SLC6A9: variants seen among roughly 807,000 people sequenced by gnomAD.
The protein encoded by SLC6A9 is sodium- and chloride-dependent glycine transporter 1.
Under a neutral mutation model 70.9 loss-of-function variants are expected in SLC6A9, and 31 were observed. The ratio of observed to expected loss-of-function variants is 0.44; its 90% CI spans 0.33 to 0.59. The LOEUF is 0.59. Among genes scored for constraint, SLC6A9 ranks in the 20% least tolerant of loss-of-function variants. The pLI is 0.04. For missense variants in SLC6A9, 631 were observed against 845.2 expected (o/e 0.75, Z 3.14); for synonymous variants, 310 against 341.3 (o/e 0.91, Z 1.01).
rs1485063052 is a variant in SLC6A9 at position 44,001,760 on chromosome 1, C to T, written c.963-133G>A. 11 of 701,298 alleles carry T rather than the reference C, an allele frequency of 1.6e-5. No homozygotes were observed. In the East Asian group the frequency reaches 1.7e-4, roughly 11 times the overall value. 43.4% of individuals were successfully genotyped at this position (701,298 alleles called of 1,614,324 possible). A position where few individuals can be genotyped will look rare whatever the true frequency, so the allele number is the denominator to read the frequency against. On this transcript the variant is annotated intron_variant, in intron 8 of 13. Coordinates refer to ENST00000372310, the MANE Select transcript of SLC6A9 (RefSeq NM_001024845.3). ...TTTTGGAGTGGGAGACAGGGTCTCACTCTGTTGTCCAGGATGGAGTGCAAT... is the reference window on the plus strand; with the variant it reads ...TTTTGGAGTGGGAGACAGGGTCTCATTCTGTTGTCCAGGATGGAGTGCAAT...
At chr1:44,010,456 C>CGGTGG (rs2086508655) in intron 3 of SLC6A9, 1 of 52,672 alleles carries the variant, frequency 1.9e-5, no homozygotes, top group Non-Finnish European at 5.7e-5. Flanking sequence ...GCCTTGTGGG[C>CGGTGG]GGGGGGGGGG....
At chr1:44,007,212 C>A (rs1167521137) in intron 5 of SLC6A9, among the ~76,000 whole-genome samples, 2 of 152,184 alleles carry the variant, frequency 1.3e-5, no homozygotes, top group African/African-American at 4.8e-5. Flanking sequence ...CTCTTTGTGT[C>A]TCTGTGACAC....
intron 2 of SLC6A9, among the ~76,000 whole-genome samples, chr1:44,022,718 C>CTTTTTTTTTTTTTT (rs777966364): frequency 1.7e-5 from 1 of 59,942 alleles, no homozygotes; most frequent in Non-Finnish European, 3.3e-5. Context: ...TTCTTTCTTT[C>CTTTTTTTTTTTTTT]TTTCTTTTTT....
chr1:44,008,421 C>T lies in SLC6A9; in HGVS notation c.522G>A (p.Leu174=). The change falls in exon 5 of 14, where the codon TTG becomes TTA. Residue 174 remains leucine (L), a synonymous_variant. Coordinates refer to ENST00000372310, the MANE Select transcript of SLC6A9 (RefSeq NM_001024845.3). The part of the protein sequence containing the change: ...NLTNGSRPAA[L]PSNLSHLLNH... ...TGAGCAGGTGGGAGAGGTTGCTGGG[C>T]AAGGCGGCTGGCCGAGAGCCATTGG... The T allele has an allele frequency of 1.2e-6, 2 of 1,614,128 alleles. No homozygotes were observed. The highest frequency in any genetic ancestry group is 1.7e-6 in the Non-Finnish European group (2 of 1,179,952).
intron 1 of SLC6A9, among the ~76,000 whole-genome samples, chr1:44,025,573 G>GCCAAAC: frequency 1.3e-5 from 2 of 152,116 alleles, no homozygotes; most frequent in South Asian, 2.1e-4. Flanking sequence ...GCCAAGGCAG[G>GCCAAAC]TGGATTACCT....
chr1:44,006,061 T>C (rs552368576), intron 5 of SLC6A9, among the ~76,000 whole-genome samples: 1 of 152,198 alleles, frequency 6.6e-6, no homozygotes. Flanking sequence ...CAACCACCAC[T>C]GGAGCATCTG....
At chr1:44,029,528 C>T (rs896973414) in intron 1 of SLC6A9, among the ~76,000 whole-genome samples, 4 of 152,148 alleles carry the variant, frequency 2.6e-5, no homozygotes, top group Non-Finnish European at 5.9e-5. Context: ...TGTATCCTAC[C>T]CATCCTCAAA....
chr1:44,012,549 G>T (rs2086608442), intron 2 of SLC6A9, among the ~76,000 whole-genome samples: 2 of 152,248 alleles, frequency 1.3e-5, no homozygotes, highest in Non-Finnish European at 2.9e-5. Flanking sequence ...TGCAATGGCA[G>T]ATTTATTGAC....
At chr1:44,000,209 C>T (rs1440085065) in intron 12 of SLC6A9, among the ~76,000 whole-genome samples, 2 of 152,232 alleles carry the variant, frequency 1.3e-5, no homozygotes, top group African/African-American at 4.8e-5. Context: ...GGATTCCTTC[C>T]ACCAATTCAG....
chr1:44,004,936 G>A (rs879839477), intron 5 of SLC6A9, among the ~76,000 whole-genome samples: 1 of 152,228 alleles, frequency 6.6e-6, no homozygotes, highest in Non-Finnish European at 1.5e-5. Flanking sequence ...CGGCCAGGTG[G>A]TGAGTGCCTT....
chr1:44,019,489 A>AGGCGCTGGCTGG (rs1489838587), intron 2 of SLC6A9, among the ~76,000 whole-genome samples: 8 of 152,234 alleles, frequency 5.3e-5, no homozygotes, highest in African/African-American at 1.7e-4. Flanking sequence ...CTGAGGGCCA[A>AGGCGCTGGCTGG]GGCGCTGGCT....
rs1170249195 is a variant in SLC6A9, at chr1:44,018,330, C to T, written c.30+5918G>A. 2.0e-5 allele frequency among the ~76,000 whole-genome samples: 3 copies of T among 152,104 alleles called. No individual in the cohort carries two copies. The highest frequency in any genetic ancestry group is 2.9e-5 in the Non-Finnish European group (2 of 68,026). The stretch of plus-strand genomic sequence containing the variant: ...AAACAGGGCCAGGTACGGTGGCTCA[C>T]GCCTGTAATCCCAGCACTTTGGGAG... On this transcript the variant is annotated intron_variant, in intron 2 of 13. Coordinates refer to ENST00000372310, the MANE Select transcript of SLC6A9 (RefSeq NM_001024845.3). This position sits in a 1 kb window ranked among gnomAD's most constrained non-coding sequence, Gnocchi z 4.2.
At chr1:44,007,254 C>T (rs1331024308) in intron 5 of SLC6A9, among the ~76,000 whole-genome samples, 1 of 152,234 alleles carries the variant, frequency 6.6e-6, no homozygotes, top group East Asian at 1.9e-4. Context: ...GGCACTTGCC[C>T]TACTGTGATT....
rs757591286 is a variant in SLC6A9 at position 44,000,735 on chromosome 1, G to A, written c.1536+32C>T. 2.3e-5 allele frequency: 33 copies of A among 1,404,458 alleles called. 1 individual carries two copies. The highest frequency in any genetic ancestry group is 2.1e-4 in the South Asian group (17 of 80,392). 87.0% of individuals were successfully genotyped at this position (1,404,458 alleles called of 1,614,324 possible). A position where few individuals can be genotyped will look rare whatever the true frequency, so the allele number is the denominator to read the frequency against. On this transcript the variant is annotated intron_variant, in intron 12 of 13. Coordinates refer to ENST00000372310, the MANE Select transcript of SLC6A9 (RefSeq NM_001024845.3). ...GATGGACACATGGCCAAGGGGCAGC[G>A]GGGGAAGGGAGGGGCCGGCCAGGGA...
chr1:44,009,882 G>C, intron 4 of SLC6A9, 83 bp downstream of exon 4: 1 of 1,523,202 alleles, frequency 6.6e-7, no homozygotes, highest in Non-Finnish European at 8.9e-7. Context: ...AGCCATGTTT[G>C]TACAGATGGG....
intron 5 of SLC6A9, among the ~76,000 whole-genome samples, chr1:44,007,540 C>T (rs867064509): frequency 4.7e-4 from 71 of 152,300 alleles, no homozygotes; most frequent in African/African-American, 1.7e-3. Flanking sequence ...GTCTTGATCA[C>T]GGCACCCCCG....
intron 2 of SLC6A9, among the ~76,000 whole-genome samples, chr1:44,021,303 C>T (rs373259151): frequency 1.6e-3 from 237 of 152,284 alleles, no homozygotes; most frequent in African/African-American, 5.4e-3. Flanking sequence ...CAGCCCTGTC[C>T]TAGGAGCTGC....
intron 1 of SLC6A9, among the ~76,000 whole-genome samples, 179 bp downstream of exon 1, chr1:44,031,127 C>T (rs1208140250): frequency 2.0e-5 from 3 of 151,994 alleles, no homozygotes; most frequent in African/African-American, 4.8e-5. Context: ...GGTGCGTGCA[C>T]CCACACTCTT....
intron 1 of SLC6A9, among the ~76,000 whole-genome samples, chr1:44,030,807 G>T (rs2486010): frequency 0.15 from 23,448 of 152,186 alleles, 2,355 homozygotes; most frequent in East Asian, 0.4. Context: ...AGGCTGGCGG[G>T]CGCTGAGAGG....
Sources: allele counts gnomAD v4.1 joint callset (sites outside exome capture counted in the v4.1 genomes callset), GRCh38; gene constraint gnomAD v4.1.1; non-coding constraint Gnocchi (gnomAD v3.1); transcripts MANE v1.5; gene names NCBI Gene and HGNC (gene_info 2026-07-23, HGNC 2026-07-21).